The following PTP4A1 variants were observed in gnomAD, a reference collection of about 807,000 sequenced individuals.
The protein encoded by PTP4A1 is protein tyrosine phosphatase 4A1, also known as protein tyrosine phosphatase type IVA 1.
In PTP4A1, 9 loss-of-function variants were observed where a neutral mutation model predicts 20.5. The ratio of observed to expected loss-of-function variants is 0.44; its 90% confidence interval spans 0.26 to 0.77. The LOEUF is 0.77. PTP4A1 is among the 30% of genes least tolerant of loss of function. PTP4A1 has a pLI of 0.19. For missense variants in PTP4A1, 137 were observed against 218.8 expected (o/e 0.63, Z 2.36); for synonymous variants, 78 against 67.4 (o/e 1.16, Z -0.77).
chr6:63,531,927 A>G (rs1313515585), intron 2 of PTP4A1, among the ~76,000 whole-genome samples: 1 of 151,522 alleles, frequency 6.6e-6, no homozygotes. Context: ...CAGCCTCCCG[A>G]GTAGCTGGAA....
At chr6:63,530,963 C>T (rs998370151) in intron 2 of PTP4A1, among the ~76,000 whole-genome samples, 1 of 152,116 alleles carries the variant, frequency 6.6e-6, no homozygotes, top group Non-Finnish European at 1.5e-5. Context: ...TATTTTTCTA[C>T]ATTTGTTTGC....
chr6:63,518,660 A>T (rs893382922), upstream of PTP4A1, among the ~76,000 whole-genome samples: 1 of 152,242 alleles, frequency 6.6e-6, no homozygotes, highest in African/African-American at 2.4e-5. Flanking sequence ...GTCTCTTTAC[A>T]GCTAAGGTTC....
chr6:63,557,363 T>C (rs1380740167), intron 3 of PTP4A1, among the ~76,000 whole-genome samples: 1 of 152,028 alleles, frequency 6.6e-6, no homozygotes, highest in Non-Finnish European at 1.5e-5. Context: ...GTCAGGAGTT[T>C]GAGACCAGCC....
At chr6:63,558,434 AAAG>A (rs1384691021) in intron 3 of PTP4A1, among the ~76,000 whole-genome samples, 29 of 152,196 alleles carry the variant, frequency 1.9e-4, no homozygotes, top group Non-Finnish European at 7.3e-5. Context: ...GTCAGACAGA[AAAG>A]AAGAAAAGGG....
At position 63,580,454 on chromosome 6, in the gene PTP4A1, T is replaced by C. The variant is rs965887168; in HGVS notation, c.*280T>C. Reference sequence around the variant, plus strand: ...TTCCCCAAATCATGCAGTATTGAGTTATGACTTGTTAAATCTATTCCCATG... The same window carrying C: ...TTCCCCAAATCATGCAGTATTGAGTCATGACTTGTTAAATCTATTCCCATG... On this transcript the variant is annotated 3_prime_UTR_variant, in exon 6 of 6. Transcript: ENST00000626021. 3.4e-6 allele frequency: 1 copy of C among 293,148 alleles called. No individual in the cohort carries two copies. Among genetic ancestry groups the C allele is most frequent in the Non-Finnish European group, 6.5e-6 (1 of 153,712 alleles). 18.2% of individuals were successfully genotyped at this position (293,148 alleles called of 1,614,324 possible).
intron 2 of PTP4A1, among the ~76,000 whole-genome samples, chr6:63,539,996 G>A (rs1775888606): frequency 6.6e-6 from 1 of 152,188 alleles, no homozygotes; most frequent in South Asian, 2.1e-4. Context: ...GAATGTTCAT[G>A]ACTGTTGGTG....
upstream of PTP4A1, among the ~76,000 whole-genome samples, chr6:63,521,219 TAAAGTA>T (rs1774914697): frequency 6.7e-6 from 1 of 149,506 alleles, no homozygotes; most frequent in African/African-American, 2.5e-5. Context: ...GCCCAAAACT[TAAAGTA>T]AAATAAAAGA....
intron 2 of PTP4A1, among the ~76,000 whole-genome samples, chr6:63,546,139 A>G (rs1776171829): frequency 6.6e-6 from 1 of 152,242 alleles, no homozygotes; most frequent in East Asian, 1.9e-4. Context: ...TAAAATGTGG[A>G]TAAAGAAAAC....
In PTP4A1 at chr6:63,578,936, G is replaced by C. The variant is rs1778042801; in HGVS notation, c.237G>C (p.Gln79His). Residue 79 changes from glutamine (Q) to histidine (H), a missense_variant, in exon 4 of 6, where the codon CAG becomes CAC. Physicochemically the swap from Gln to His is conservative, Grantham distance 24 (BLOSUM62 0). Transcript: ENST00000626021. Reference sequence around the variant, plus strand: ...ATGATGGTGCACCACCATCCAACCAGATTGTTGATGACTGGTTAAGTCTTG... The same window carrying C: ...ATGATGGTGCACCACCATCCAACCACATTGTTGATGACTGGTTAAGTCTTG... ...PFDDGAPPSNQIVDDWLSLVK... is the reference protein window; with the variant it reads ...PFDDGAPPSNHIVDDWLSLVK... The C allele has an allele frequency of 6.3e-7, 1 of 1,599,404 alleles. No homozygotes were observed. Among genetic ancestry groups the C allele is most frequent in the Non-Finnish European group, 8.5e-7 (1 of 1,175,074 alleles).
At chr6:63,578,602 A>C in intron 3 of PTP4A1, 73 bp downstream of exon 3, 1 of 1,532,232 alleles carries the variant, frequency 6.5e-7, no homozygotes, top group Non-Finnish European at 8.7e-7. Flanking sequence ...AAATTCAAAT[A>C]AATATCTATT....
chr6:63,519,544 T>C (rs1774848390), upstream of PTP4A1, among the ~76,000 whole-genome samples: 1 of 152,188 alleles, frequency 6.6e-6, no homozygotes, highest in Non-Finnish European at 1.5e-5. Flanking sequence ...TTTCCACTAA[T>C]AAGGGTAAAG....
At chr6:63,518,110 C>T (rs1379805533), upstream of PTP4A1, among the ~76,000 whole-genome samples, 1 of 149,574 alleles carries the variant, frequency 6.7e-6, no homozygotes, top group Non-Finnish European at 1.5e-5. Flanking sequence ...CCAGATAGTA[C>T]CATATCGCAC....
chr6:63,567,529 C>T (rs1210938753), upstream of PTP4A1, among the ~76,000 whole-genome samples: 1 of 152,186 alleles, frequency 6.6e-6, no homozygotes, highest in South Asian at 2.1e-4. Flanking sequence ...GTGAGCCATG[C>T]TAAACAGATG....
chr6:63,518,544 G>C (rs889811618), upstream of PTP4A1, among the ~76,000 whole-genome samples: 1 of 152,114 alleles, frequency 6.6e-6, no homozygotes, highest in African/African-American at 2.4e-5. Context: ...AGAGGGTGGG[G>C]GCAATGTAGG....
At position 63,529,008 on chromosome 6, in the gene PTP4A1, G is replaced by A. The variant is rs552592355; in HGVS notation, c.-640+924G>A. ...GGAGGCTGAGGCAAGAGAATCACTT[G>A]AATCTGGGAGGCAGAGGTTACAGTG... On this transcript the variant is annotated intron_variant, in intron 2 of 3. Coordinates refer to the PTP4A1 transcript ENST00000639568. Among the ~76,000 whole-genome samples the A allele has an allele frequency of 9.9e-5, 15 of 151,130 alleles. No individual in the cohort carries two copies. The South Asian group carries it at 3.1e-3, about 32-fold the overall frequency.
upstream of PTP4A1, among the ~76,000 whole-genome samples, chr6:63,516,860 G>T (rs569333845): frequency 5.9e-5 from 9 of 152,294 alleles, no homozygotes; most frequent in Admixed American, 3.3e-4. Context: ...CTCTGTGGAT[G>T]AGGTGACCTT....
At chr6:63,528,190 A>G (rs1775269523) in intron 2 of PTP4A1, 1 of 152,238 alleles carries the variant, frequency 6.6e-6, no homozygotes, top group South Asian at 2.1e-4. Context: ...CTAGTGAGCC[A>G]CTGAAATTCT....
intron 3 of PTP4A1, among the ~76,000 whole-genome samples, chr6:63,560,118 A>G (rs894540692): frequency 1.3e-5 from 2 of 152,118 alleles, no homozygotes; most frequent in African/African-American, 2.4e-5. Context: ...ATAAAAATGA[A>G]TTACTTGAAA....
intron 3 of PTP4A1, among the ~76,000 whole-genome samples, chr6:63,553,247 C>A (rs186765023): frequency 1.3e-5 from 2 of 152,184 alleles, no homozygotes; most frequent in African/African-American, 2.4e-5. Context: ...GATGTCAAAG[C>A]TCTGCTTTTA....
Sources: gnomAD v4.1 joint callset for allele counts (sites outside exome capture counted in the v4.1 genomes callset) on GRCh38, gnomAD v4.1.1 for gene constraint, MANE v1.5 for transcripts, NCBI Gene and HGNC (gene_info 2026-07-23, HGNC 2026-07-21) for gene names.